The following PCDHGA1 variants were observed in gnomAD, a reference collection of about 807,000 sequenced individuals.
PCDHGA1 encodes protocadherin gamma subfamily A, 1, also known as protocadherin gamma-A1.
Under a neutral mutation model 58.0 loss-of-function variants are expected in PCDHGA1, and 32 were observed. That is an observed-to-expected ratio of 0.55 (90% CI 0.42 to 0.74). PCDHGA1 has a LOEUF of 0.74. Among genes scored for constraint, PCDHGA1 ranks in the 30% least tolerant of loss-of-function variants. The pLI is 0.00. For synonymous variants in PCDHGA1, 498 were observed against 501.1 expected (o/e 0.99, Z 0.08); for missense variants, 1,205 against 1,182.3 (o/e 1.02, Z -0.28).
At chr5:141,391,345 G>C (rs1233916830) in intron 1 of PCDHGA1, 1 of 139,580 alleles carries the variant, frequency 7.2e-6, no homozygotes, top group Admixed American at 7.6e-5. Context: ...CAGAGTCTCT[G>C]TCTGTTACTC....
chr5:141,423,730 A>G, intron 1 of PCDHGA1: 1 of 831,022 alleles, frequency 1.2e-6, no homozygotes. Flanking sequence ...ATGTTTTTTG[A>G]GCCTGTTATG....
intron 1 of PCDHGA1, among the ~76,000 whole-genome samples, chr5:141,445,119 T>C (rs975225604): frequency 1.3e-5 from 2 of 152,270 alleles, no homozygotes; most frequent in African/African-American, 4.8e-5. Context: ...TTGTAAATAG[T>C]ATTTTTAAAA....
At chr5:141,392,946 G>C (rs1175467046) in intron 1 of PCDHGA1, 11 of 1,613,940 alleles carry the variant, frequency 6.8e-6, no homozygotes, top group Non-Finnish European at 9.3e-6. Flanking sequence ...AGGCTCCTTC[G>C]TGGGTAATAT....
intron 1 of PCDHGA1, chr5:141,409,027 TGA>T: frequency 1.9e-6 from 3 of 1,613,978 alleles, no homozygotes; most frequent in Non-Finnish European, 2.5e-6. Context: ...GGGTCAATGC[TGA>T]GATAAACTAC....
intron 1 of PCDHGA1, chr5:141,385,673 C>T (rs1253807650): frequency 2.6e-6 from 1 of 384,964 alleles, no homozygotes; most frequent in Non-Finnish European, 3.8e-6. Context: ...TAAAACACAC[C>T]TCAGCTGTCT....
At chr5:141,460,043 A>G (rs527752346) in intron 1 of PCDHGA1, among the ~76,000 whole-genome samples, 1 of 152,276 alleles carries the variant, frequency 6.6e-6, no homozygotes, top group South Asian at 2.1e-4. Context: ...GCACCACTGC[A>G]CTCCAGCCTG....
intron 2 of PCDHGA1, among the ~76,000 whole-genome samples, chr5:141,500,189 TTTATTTA>T (rs1562193869): frequency 4.5e-5 from 5 of 110,894 alleles, no homozygotes; most frequent in African/African-American, 1.8e-4. Context: ...TTTATTTTTA[TTTATTTA>T]TTTATTTATT....
At chr5:141,471,942 A>G (rs1163887457) in intron 1 of PCDHGA1, among the ~76,000 whole-genome samples, 1 of 152,192 alleles carries the variant, frequency 6.6e-6, no homozygotes, top group Non-Finnish European at 1.5e-5. Flanking sequence ...AGAGTTTTCT[A>G]AAACTGGATT....
chr5:141,338,708 C>T, intron 1 of PCDHGA1: 3 of 646,324 alleles, frequency 4.6e-6, no homozygotes, highest in Non-Finnish European at 6.4e-6. Flanking sequence ...ATTATTTAGG[C>T]CTCTGAGCGT....
rs766151180 is a variant in PCDHGA1 at position 141,432,210 on chromosome 5, A to G, written c.2422-62597A>G. On this transcript the variant is annotated intron_variant, in intron 1 of 3. Transcript: ENST00000517417. This position sits in a 1 kb window ranked among gnomAD's most constrained non-coding sequence, Gnocchi z 6.0. Reference sequence around the variant, plus strand: ...GCCCACGACCCCGACTGTGAAGAGAACGCCCAGATCACTTATTCCCTGGCT... The same window carrying G: ...GCCCACGACCCCGACTGTGAAGAGAGCGCCCAGATCACTTATTCCCTGGCT... 1 of 1,614,138 alleles carries G rather than the reference A, an allele frequency of 6.2e-7. No individual in the cohort carries two copies. Among genetic ancestry groups the G allele is most frequent in the Non-Finnish European group, 8.5e-7 (1 of 1,180,018 alleles).
At chr5:141,446,365 G>T (rs2098499873) in intron 1 of PCDHGA1, among the ~76,000 whole-genome samples, 1 of 152,194 alleles carries the variant, frequency 6.6e-6, no homozygotes, top group Non-Finnish European at 1.5e-5. Flanking sequence ...GATGAGAATG[G>T]AAGACTAAAG....
intron 1 of PCDHGA1, among the ~76,000 whole-genome samples, chr5:141,449,680 T>C (rs2098651613): frequency 6.6e-6 from 1 of 151,546 alleles, no homozygotes; most frequent in Admixed American, 6.6e-5. Flanking sequence ...TATGTATATA[T>C]GTTTGTGTGT....
intron 1 of PCDHGA1, among the ~76,000 whole-genome samples, chr5:141,381,404 T>A (rs78789599): frequency 5.8e-4 from 89 of 152,360 alleles, no homozygotes; most frequent in African/African-American, 2.0e-3. Context: ...TCTATCAACA[T>A]CAGTGGAGAG....
At chr5:141,456,984 C>T (rs374156327) in intron 1 of PCDHGA1, among the ~76,000 whole-genome samples, 1 of 152,082 alleles carries the variant, frequency 6.6e-6, no homozygotes, top group Admixed American at 6.6e-5. Flanking sequence ...AACAAACAAA[C>T]AAACAAAAAC....
chr5:141,449,425 G>T (rs1206395356), intron 1 of PCDHGA1, among the ~76,000 whole-genome samples: 2 of 151,688 alleles, frequency 1.3e-5, no homozygotes, highest in Non-Finnish European at 2.9e-5. Context: ...TGGCCAACAT[G>T]ATAAAACTCC....
intron 1 of PCDHGA1, chr5:141,374,245 G>C: frequency 2.5e-6 from 4 of 1,613,980 alleles, no homozygotes; most frequent in Non-Finnish European, 3.4e-6. Flanking sequence ...ATCTGGGACT[G>C]GAGCCCCAGG....
chr5:141,414,434 C>A (rs774467993), intron 1 of PCDHGA1: 2 of 1,613,822 alleles, frequency 1.2e-6, no homozygotes, highest in Non-Finnish European at 8.5e-7. Flanking sequence ...GAACAGGTAT[C>A]CTCTTACAAT....
chr5:141,486,653 C>G lies in PCDHGA1; in HGVS notation c.2422-8154C>G. On this transcript the variant is annotated intron_variant, in intron 1 of 3. Transcript: ENST00000517417. This position sits in a 1 kb window ranked among gnomAD's most constrained non-coding sequence, Gnocchi z 5.0. ...CTTGAATGCGCTTATCTCCTACTCA[C>G]TCCTGGAGCCCAGGAATCGAGATGT... is the stretch of plus-strand genomic sequence containing the variant. 1 of 1,613,968 alleles carries G rather than the reference C, an allele frequency of 6.2e-7. No individual in the cohort carries two copies. Among genetic ancestry groups the G allele is most frequent in the Non-Finnish European group, 8.5e-7 (1 of 1,180,034 alleles).
chr5:141,417,524 T>C (rs2096128269), intron 1 of PCDHGA1: 1 of 271,098 alleles, frequency 3.7e-6, no homozygotes, highest in African/African-American at 2.2e-5. Flanking sequence ...GGCTGTCAAC[T>C]CGTAGTTTAA....
Sources: gnomAD v4.1 joint callset for allele counts (sites outside exome capture counted in the v4.1 genomes callset) on GRCh38, gnomAD v4.1.1 for gene constraint, Gnocchi (gnomAD v3.1) non-coding constraint, MANE v1.5 for transcripts, NCBI Gene and HGNC (gene_info 2026-07-23, HGNC 2026-07-21) for gene names.